Variants in DISC1 observed in about 807,000 individuals in gnomAD.
The protein encoded by DISC1 is disrupted in schizophrenia 1 protein.
In DISC1, 57 loss-of-function variants were observed where a neutral mutation model predicts 84.5. The observed-to-expected ratio is 0.67, with a 90% CI of 0.55 to 0.84. The LOEUF is 0.84. DISC1 is among the 40% of genes least tolerant of loss of function. The probability of loss-of-function intolerance (pLI) is 0.00; values close to 1 mark genes in which losing one functional copy is unlikely to be tolerated. For missense variants in DISC1, 1,000 were observed against 1,057.8 expected, an observed-to-expected ratio of 0.95 and a Z score of 0.76; for synonymous variants, 411 against 415.2, an observed-to-expected ratio of 0.99 and a Z score of 0.12.
At position 231,785,245 on chromosome 1, in the gene DISC1, G is replaced by A. The variant is rs1277919335; in HGVS notation, c.1635-9997G>A. ...TCTGTGTGTGTGTGTGTGTGTGTGT[G>A]TGTGTGTGTTATTTTATTTATTTAT... On this transcript the variant is annotated intron_variant, in intron 6 of 12. Transcript: ENST00000439617. Among the ~76,000 whole-genome samples, 5 of 84,162 alleles carry A rather than the reference G, an allele frequency of 5.9e-5. No homozygotes were observed. The East Asian group carries it at 1.4e-3, about 24-fold the overall frequency. 55.2% of individuals were successfully genotyped at this position (84,162 alleles called of 152,430 possible).
At position 231,694,423 on chromosome 1, in the gene DISC1, A is replaced by G. The variant is rs1182261108; in HGVS notation, c.665A>G (p.Glu222Gly). 3 of 1,614,022 alleles carry G rather than the reference A, an allele frequency of 1.9e-6. No homozygotes were observed. Among genetic ancestry groups the G allele is most frequent in the Non-Finnish European group, 2.5e-6 (3 of 1,180,028 alleles). The change falls in exon 2 of 13, where the codon GAA becomes GGA. Residue 222 changes from glutamate (E) to glycine (G), a missense_variant. Physicochemically the swap from Glu to Gly is moderately conservative, Grantham distance 98. Transcript: ENST00000439617. Reference protein sequence around the residue: ...FIRLSLGSAGERGEAEGCPPS... With the variant: ...FIRLSLGSAGGRGEAEGCPPS... ...CGGCTCTCGCTTGGCTCTGCCGGGG[A>G]ACGTGGAGAAGCAGAAGGCTGCCCA...
At chr1:231,923,926 C>T (rs2090172190) in intron 9 of DISC1, among the ~76,000 whole-genome samples, 2 of 152,158 alleles carry the variant, frequency 1.3e-5, no homozygotes, top group Admixed American at 6.5e-5. Context: ...GTGATGGGAG[C>T]TTAGGGGCTA....
chr1:231,805,691 G>C (rs1156463335), intron 8 of DISC1, among the ~76,000 whole-genome samples: 1 of 151,746 alleles, frequency 6.6e-6, no homozygotes, highest in Non-Finnish European at 1.5e-5. Context: ...AATCATTAAT[G>C]AGAAACTGCC....
At chr1:231,867,633 G>A (rs1045533224) in intron 9 of DISC1, among the ~76,000 whole-genome samples, 2 of 152,148 alleles carry the variant, frequency 1.3e-5, no homozygotes, top group Non-Finnish European at 2.9e-5. Context: ...ATGAGTCTTG[G>A]GCACACAGCC....
At chr1:232,016,713 G>A (rs1220703509) in intron 11 of DISC1, among the ~76,000 whole-genome samples, 1 of 152,158 alleles carries the variant, frequency 6.6e-6, no homozygotes, top group African/African-American at 2.4e-5. Flanking sequence ...TTTATTTAGA[G>A]CTTGTTTCTC....
chr1:231,998,524 A>G (rs1162777506), intron 10 of DISC1, among the ~76,000 whole-genome samples: 1 of 152,246 alleles, frequency 6.6e-6, no homozygotes, highest in Non-Finnish European at 1.5e-5. Context: ...TTATTAAAGG[A>G]TGAGAACTAG....
At position 232,031,115 on chromosome 1, in the gene DISC1, A is replaced by G. The variant is rs982483336; in HGVS notation, c.2425+4563A>G. ...CAAAGTAAGACACTGCCAAAGAAGG[A>G]GGGAGGGAAGGAAGGAAGGAAGGAG... On this transcript the variant is annotated intron_variant, in intron 12 of 12. Coordinates refer to ENST00000439617, the MANE Select transcript of DISC1 (RefSeq NM_018662.3). The surrounding 1 kb of genome is among the most constrained non-coding windows in gnomAD (Gnocchi z 4.6). 8.7e-5 allele frequency among the ~76,000 whole-genome samples: 13 copies of G among 148,884 alleles called. No individual in the cohort carries two copies. The highest frequency in any genetic ancestry group is 3.0e-4 in the African/African-American group (12 of 40,334).
At chr1:231,960,510 C>T (rs1323004002) in intron 10 of DISC1, among the ~76,000 whole-genome samples, 1 of 152,126 alleles carries the variant, frequency 6.6e-6, no homozygotes, top group Non-Finnish European at 1.5e-5. Context: ...CCTTGGCCTC[C>T]CAAAGTGCTG....
intron 3 of DISC1, among the ~76,000 whole-genome samples, chr1:231,709,438 C>T (rs1296480212): frequency 1.3e-5 from 2 of 152,100 alleles, no homozygotes; most frequent in Non-Finnish European, 2.9e-5. Context: ...TTTCTTGGAA[C>T]CCCTGCAGCT....
At chr1:231,976,557 A>G (rs1266749036) in intron 10 of DISC1, among the ~76,000 whole-genome samples, 1 of 152,220 alleles carries the variant, frequency 6.6e-6, no homozygotes, top group Non-Finnish European at 1.5e-5. Context: ...CAAGGAGCAT[A>G]GACACTCATC....
chr1:231,880,290 C>T (rs1309334461), intron 9 of DISC1, among the ~76,000 whole-genome samples: 1 of 152,186 alleles, frequency 6.6e-6, no homozygotes, highest in Non-Finnish European at 1.5e-5. Flanking sequence ...TTGGACTTTT[C>T]AATCTCTGTA....
At chr1:231,924,658 ATTT>A (rs1338480700) in intron 9 of DISC1, among the ~76,000 whole-genome samples, 1 of 142,376 alleles carries the variant, frequency 7.0e-6, no homozygotes, top group Non-Finnish European at 1.5e-5. Flanking sequence ...ATTTGCAACA[ATTT>A]TTTTTTTTTT....
At chr1:231,852,860 G>A (rs1452750420) in intron 9 of DISC1, among the ~76,000 whole-genome samples, 1 of 152,172 alleles carries the variant, frequency 6.6e-6, no homozygotes, top group South Asian at 2.1e-4. Context: ...TTTTTAACAT[G>A]AAAAAGAAAT....
intron 9 of DISC1, among the ~76,000 whole-genome samples, chr1:231,900,964 T>A (rs1463763555): frequency 6.6e-6 from 1 of 152,196 alleles, no homozygotes; most frequent in Non-Finnish European, 1.5e-5. Flanking sequence ...TGGGTTTGGT[T>A]GTGGGGCAGA....
chr1:231,746,047 G>A (rs533118854), intron 3 of DISC1, among the ~76,000 whole-genome samples: 4 of 152,322 alleles, frequency 2.6e-5, no homozygotes, highest in East Asian at 3.9e-4. Context: ...CTCACTGGAA[G>A]CAGATGCCGG....
intron 1 of DISC1, among the ~76,000 whole-genome samples, chr1:231,637,571 C>T (rs1341365685): frequency 2.0e-5 from 3 of 152,168 alleles, no homozygotes; most frequent in Non-Finnish European, 4.4e-5. Flanking sequence ...ATTTAGCTCC[C>T]ACTTGTAGGT....
chr1:231,849,693 T>C (rs188632581), intron 9 of DISC1, among the ~76,000 whole-genome samples: 58 of 148,198 alleles, frequency 3.9e-4, no homozygotes, highest in Admixed American at 1.4e-3. Context: ...CACAGTTCAC[T>C]GTGAATTGTG....
intron 12 of DISC1, among the ~76,000 whole-genome samples, chr1:232,034,432 T>A (rs1244954799): frequency 3.9e-5 from 6 of 152,242 alleles, no homozygotes; most frequent in Admixed American, 2.6e-4. Flanking sequence ...CCTCAAATGC[T>A]GGTTTTCTGA....
At chr1:231,971,972 T>A (rs1376557265) in intron 10 of DISC1, among the ~76,000 whole-genome samples, 2 of 152,206 alleles carry the variant, frequency 1.3e-5, no homozygotes, top group African/African-American at 2.4e-5. Flanking sequence ...GTCATTTGAC[T>A]GAGTTATTTC....
Sources: gnomAD v4.1 joint callset for allele counts (sites outside exome capture counted in the v4.1 genomes callset) on GRCh38, gnomAD v4.1.1 for gene constraint, Gnocchi (gnomAD v3.1) non-coding constraint, MANE v1.5 for transcripts, NCBI Gene and HGNC (gene_info 2026-07-23, HGNC 2026-07-21) for gene names.